The following CSMD1 variants were observed in gnomAD, a reference collection of about 807,000 sequenced individuals.
The protein encoded by CSMD1 is CUB and sushi domain-containing protein 1.
In CSMD1, 213 loss-of-function variants were observed where a neutral mutation model predicts 417.5. The ratio of observed to expected loss-of-function variants is 0.51; its 90% CI spans 0.46 to 0.57. CSMD1 has a LOEUF of 0.57. Among genes scored for constraint, CSMD1 ranks in the 20% least tolerant of loss-of-function variants. CSMD1 has a pLI of 0.00. For missense variants in CSMD1, 6,923 were observed against 4,529.7 expected, an observed-to-expected ratio of 1.53 and a Z score of -15.17; for synonymous variants, 2,862 against 1,736.8, an observed-to-expected ratio of 1.65 and a Z score of -16.11.
chr8:4,919,810 G>T (rs1232169575), intron 1 of CSMD1, among the ~76,000 whole-genome samples: 6 of 152,204 alleles, frequency 3.9e-5, no homozygotes, highest in Admixed American at 2.6e-4. Context: ...TTATAAAAGG[G>T]CATGACCCAG....
chr8:4,356,535 A>G (rs1316808076), intron 3 of CSMD1, among the ~76,000 whole-genome samples: 1 of 152,286 alleles, frequency 6.6e-6, no homozygotes, highest in Non-Finnish European at 1.5e-5. Context: ...TTGAAGTCTT[A>G]GAGTATTTTA....
chr8:3,918,839 A>G (rs558744308), intron 5 of CSMD1, among the ~76,000 whole-genome samples: 1 of 152,250 alleles, frequency 6.6e-6, no homozygotes, highest in South Asian at 2.1e-4. Context: ...GGATGCAAAG[A>G]TAATTAGAAT....
intron 1 of CSMD1, among the ~76,000 whole-genome samples, chr8:4,695,056 T>C (rs1807027563): frequency 6.6e-6 from 1 of 152,176 alleles, no homozygotes; most frequent in African/African-American, 2.4e-5. Context: ...TTCCCCCTTA[T>C]GGGAATGTTC....
intron 1 of CSMD1, among the ~76,000 whole-genome samples, chr8:4,907,207 C>G (rs1437121226): frequency 6.6e-6 from 1 of 152,166 alleles, no homozygotes; most frequent in Non-Finnish European, 1.5e-5. Context: ...CTTTTACTCT[C>G]TTTGAAATCT....
chr8:4,024,731 G>T (rs1414142924), intron 4 of CSMD1, among the ~76,000 whole-genome samples: 1 of 152,122 alleles, frequency 6.6e-6, no homozygotes, highest in African/African-American at 2.4e-5. Context: ...TTGCACATAG[G>T]AGCTACTGCA....
intron 52 of CSMD1, among the ~76,000 whole-genome samples, chr8:3,001,163 T>G (rs1312120260): frequency 6.6e-6 from 1 of 152,040 alleles, no homozygotes; most frequent in South Asian, 2.1e-4. Flanking sequence ...ATTTTTTTAT[T>G]ATTATTATTT....
At chr8:4,235,226 A>C (rs1159932727) in intron 3 of CSMD1, among the ~76,000 whole-genome samples, 1 of 152,224 alleles carries the variant, frequency 6.6e-6, no homozygotes, top group Admixed American at 6.5e-5. Context: ...GGTGCAAAAA[A>C]GAAAACGAAC....
chr8:4,185,432 G>C (rs770710613), intron 3 of CSMD1, among the ~76,000 whole-genome samples: 3 of 152,062 alleles, frequency 2.0e-5, no homozygotes, highest in Admixed American at 6.6e-5. Context: ...GTGTGAGCTT[G>C]ATAAATAATG....
chr8:4,211,543 A>G lies in CSMD1; in HGVS notation c.416-179444T>C, dbSNP rs78834126. ...TTTTATCTTTTGTATACTTTTGAGC[A>G]TTCCAAGAAATGTTTACTCAAATTA... On this transcript the variant is annotated intron_variant, in intron 3 of 69. Coordinates refer to ENST00000635120, the MANE Select transcript of CSMD1 (RefSeq NM_033225.6). Among the ~76,000 whole-genome samples, 805 of 152,312 alleles carry G rather than the reference A, an allele frequency of 5.3e-3. 11 individuals carry two copies. Among genetic ancestry groups the G allele is most frequent in the African/African-American group, 0.018 (757 of 41,564 alleles).
intron 49 of CSMD1, among the ~76,000 whole-genome samples, chr8:3,075,919 C>CGGGCGTGGTGGT (rs1206754425): frequency 6.7e-6 from 1 of 149,826 alleles, no homozygotes; most frequent in African/African-American, 2.5e-5. Context: ...GGCGTGGTGG[C>CGGGCGTGGTGGT]GGGCGCCTGT....
chr8:3,246,606 G>A (rs1786287301), intron 26 of CSMD1, among the ~76,000 whole-genome samples: 1 of 152,046 alleles, frequency 6.6e-6, no homozygotes, highest in Non-Finnish European at 1.5e-5. Context: ...TGAGTAGCTG[G>A]GATTACAGGC....
chr8:3,984,518 A>G (rs1352557694), intron 5 of CSMD1, among the ~76,000 whole-genome samples: 2 of 151,898 alleles, frequency 1.3e-5, no homozygotes, highest in Non-Finnish European at 2.9e-5. Flanking sequence ...CAGCAGTAAT[A>G]AGTACACTAT....
chr8:3,438,210 G>A (rs933325070), intron 12 of CSMD1, among the ~76,000 whole-genome samples: 13 of 152,136 alleles, frequency 8.5e-5, no homozygotes, highest in African/African-American at 3.1e-4. Flanking sequence ...TCCATATGCA[G>A]TTGTAAGAGG....
chr8:4,129,919 T>G (rs2130975140), intron 3 of CSMD1, among the ~76,000 whole-genome samples: 1 of 152,330 alleles, frequency 6.6e-6, no homozygotes, highest in Non-Finnish European at 1.5e-5. Context: ...TCAGGTAATT[T>G]TAACAATTAT....
chr8:3,851,793 G>A (rs916448937), intron 5 of CSMD1, among the ~76,000 whole-genome samples: 3 of 152,202 alleles, frequency 2.0e-5, no homozygotes, highest in South Asian at 2.1e-4. Context: ...AGTCAGGTGT[G>A]AGTAGAACAC....
intron 23 of CSMD1, among the ~76,000 whole-genome samples, chr8:3,319,316 C>G (rs1249787247): frequency 6.6e-6 from 1 of 152,142 alleles, no homozygotes; most frequent in East Asian, 1.9e-4. Flanking sequence ...AGAACCACTG[C>G]AGAGTCTTCA....
chr8:3,496,311 G>A (rs1796362451), intron 10 of CSMD1, among the ~76,000 whole-genome samples: 1 of 152,086 alleles, frequency 6.6e-6, no homozygotes. Context: ...GGCAGTTTTG[G>A]TTGGTTTGCT....
chr8:3,689,354 C>T (rs967040467), intron 7 of CSMD1, among the ~76,000 whole-genome samples: 1 of 152,174 alleles, frequency 6.6e-6, no homozygotes, highest in Non-Finnish European at 1.5e-5. Context: ...TCCCCTCATA[C>T]CACCCTTGCT....
intron 5 of CSMD1, among the ~76,000 whole-genome samples, chr8:3,961,942 C>G (rs190554075): frequency 2.5e-4 from 38 of 152,316 alleles, no homozygotes; most frequent in Admixed American, 1.5e-3. Context: ...CTTTCTTCCT[C>G]AAATACCACA....
Sources: gnomAD v4.1 joint callset for allele counts (sites outside exome capture counted in the v4.1 genomes callset) on GRCh38, gnomAD v4.1.1 for gene constraint, MANE v1.5 for transcripts, NCBI Gene and HGNC (gene_info 2026-07-23, HGNC 2026-07-21) for gene names.